Variants in CUL4B observed in about 807,000 individuals in gnomAD.
The protein encoded by CUL4B is cullin 4B, also known as cullin-4B.
In CUL4B, 1 loss-of-function variant was observed where a neutral mutation model predicts 69.2. That is an observed-to-expected ratio of 0.01 (90% confidence interval 0.01 to 0.07). The LOEUF is 0.07. CUL4B is among the 10% of genes least tolerant of loss of function. The pLI, the probability that CUL4B is intolerant of heterozygous loss-of-function variation, is 1.00. For synonymous variants in CUL4B, 237 were observed against 223.2 expected (o/e 1.06, Z -0.55); for missense variants, 328 against 638.8 (o/e 0.51, Z 5.24).
At chrX:120,537,112 C>T in intron 14 of CUL4B, 78 bp from the exon 15 acceptor site, 1 of 736,307 alleles carries the variant, frequency 1.4e-6, no homozygotes, top group South Asian at 2.1e-5. Flanking sequence ...TTAAGAAGTT[C>T]CCTGTTATGA....
chrX:120,569,361 C>CTT (rs1172319824), downstream of CUL4B, among the ~76,000 whole-genome samples: 8 of 96,188 alleles, frequency 8.3e-5, no homozygotes, highest in Non-Finnish European at 1.1e-4. Flanking sequence ...AGGGAAGTTT[C>CTT]TTTTTTTTTT....
chrX:120,560,744 GA>G lies in CUL4B; in HGVS notation c.-107del. On this transcript the variant is annotated 5_prime_UTR_variant, in exon 1 of 20. Transcript: ENST00000371322. ...AATGCTAGAGGGGGAAGGGAAGAAA[GA>G]AGAGAGGAGAAACACAGAGGACGAG... 1.1e-6 allele frequency: 1 copy of G among 922,083 alleles called. No homozygotes were observed. Among genetic ancestry groups the G allele is most frequent in the Non-Finnish European group, 1.4e-6 (1 of 728,140 alleles). 76.0% of individuals were successfully genotyped at this position (922,083 alleles called of 1,213,427 possible). A position where few individuals can be genotyped will look rare whatever the true frequency, so the allele number is the denominator to read the frequency against.
chrX:120,560,601 G>A lies in CUL4B; in HGVS notation c.38C>T (p.Ala13Val). ...TCTGACCTCCTGAGCAGCAGCAGCAGCTGAGGGACTGGGGGAAGAAAAACC... is the reference window on the plus strand; with the variant it reads ...TCTGACCTCCTGAGCAGCAGCAGCAACTGAGGGACTGGGGGAAGAAAAACC... ...PTGFSSPSPS[A>V]AAAAQEVRSA... The change falls in exon 1 of 20, where the codon GCT becomes GTT. Residue 13 changes from alanine to valine, a missense_variant. Physicochemically the swap from Ala to Val is moderately conservative, Grantham distance 64. This residue lies in a region of CUL4B where 102 missense variants were observed against 122.1 expected (regional missense o/e 0.84). Coordinates refer to ENST00000371322, the MANE Select transcript of CUL4B (RefSeq NM_001079872.2). 2 of 1,207,758 alleles carry A rather than the reference G, an allele frequency of 1.7e-6. No individual in the cohort carries two copies. Among genetic ancestry groups the A allele is most frequent in the Non-Finnish European group, 2.2e-6 (2 of 894,942 alleles).
downstream of CUL4B, among the ~76,000 whole-genome samples, chrX:120,567,882 A>C (rs1925603526): frequency 9.1e-6 from 1 of 110,255 alleles, no homozygotes; most frequent in East Asian, 2.8e-4. Context: ...GAAAAAAAAA[A>C]AAAACAGCTC....
chrX:120,535,181 T>C (rs908962907), intron 16 of CUL4B, among the ~76,000 whole-genome samples: 9 of 110,155 alleles, frequency 8.2e-5, no homozygotes, highest in African/African-American at 3.0e-4. Context: ...GGTGACAGAG[T>C]GGGACCCTAT....
chrX:120,561,731 T>C (rs1314587812), upstream of CUL4B, among the ~76,000 whole-genome samples: 2 of 108,396 alleles, frequency 1.8e-5, no homozygotes, highest in African/African-American at 6.8e-5. Flanking sequence ...GATGAAAGAA[T>C]AAGGAGTGGT....
chrX:120,534,692 T>C, intron 16 of CUL4B, 106 bp from the exon 17 acceptor site: 1 of 568,877 alleles, frequency 1.8e-6, no homozygotes, highest in Non-Finnish European at 3.0e-6. Context: ...TTTAGAAACA[T>C]GATTAGCATT....
chrX:120,543,200 TAAAAGA>T (rs890497942), intron 8 of CUL4B, among the ~76,000 whole-genome samples, 167 bp from the exon 9 acceptor site: 1 of 111,180 alleles, frequency 9.0e-6, no homozygotes, highest in African/African-American at 3.3e-5. Context: ...ACTTTATGCC[TAAAAGA>T]AAAAGACATA....
upstream of CUL4B, chrX:120,561,393 T>G (rs1405908807): frequency 3.6e-6 from 2 of 559,568 alleles, no homozygotes; most frequent in Non-Finnish European, 6.5e-6. Context: ...GGGCAGACAC[T>G]TTTCATAGCG....
At position 120,543,548 on chromosome X, in the gene CUL4B, T is replaced by A. The variant is rs902121612; in HGVS notation, c.1256+179A>T. On this transcript the variant is annotated intron_variant, in intron 8 of 19. Coordinates refer to ENST00000371322, the MANE Select transcript of CUL4B (RefSeq NM_001079872.2). Reference sequence around the variant, plus strand: ...CACACACACACCCCTAATAATCGAATCCTTGGATGAAAACTAATTAACTAG... The same window carrying A: ...CACACACACACCCCTAATAATCGAAACCTTGGATGAAAACTAATTAACTAG... Among the ~76,000 whole-genome samples, 154 of 109,209 alleles carry A rather than the reference T, an allele frequency of 1.4e-3. 1 individual carries two copies. The highest frequency in any genetic ancestry group is 4.9e-3 in the African/African-American group (147 of 30,045). The allele number at this position is 109,209 out of a possible 115,157, so 94.8% of individuals were successfully genotyped here.
At chrX:120,566,385 A>G (rs1460079844), upstream of CUL4B, among the ~76,000 whole-genome samples, 6 of 69,404 alleles carry the variant, frequency 8.6e-5, no homozygotes, top group South Asian at 7.1e-4. Context: ...ATATATATAT[A>G]TATATGTATA....
intron 2 of CUL4B, among the ~76,000 whole-genome samples, chrX:120,551,790 A>C (rs1202429339): frequency 8.9e-6 from 1 of 112,116 alleles, no homozygotes; most frequent in Non-Finnish European, 1.9e-5. Flanking sequence ...TTAGAACATA[A>C]GTAACTTAGG....
At chrX:120,542,277 T>C (rs952364943) in intron 9 of CUL4B, among the ~76,000 whole-genome samples, 50 of 111,674 alleles carry the variant, frequency 4.5e-4, no homozygotes, top group Non-Finnish European at 7.5e-5. Context: ...TAGCCTGTGA[T>C]ATATCAAAAG....
chrX:120,545,384 T>A (rs946343899), intron 5 of CUL4B, 60 bp downstream of exon 5: 101 of 777,175 alleles, frequency 1.3e-4, no homozygotes, highest in Non-Finnish European at 1.8e-4. Context: ...CTTTCATTAG[T>A]GTAATTAAGA....
chrX:120,567,589 T>C (rs1925594098), downstream of CUL4B, among the ~76,000 whole-genome samples: 1 of 109,085 alleles, frequency 9.2e-6, no homozygotes, highest in Non-Finnish European at 1.9e-5. Context: ...TAAGAAGCTC[T>C]TGGCCAGGTG....
intron 2 of CUL4B, among the ~76,000 whole-genome samples, chrX:120,572,929 A>G (rs192211056): frequency 9.0e-6 from 1 of 111,532 alleles, no homozygotes; most frequent in African/African-American, 3.3e-5. Flanking sequence ...GAAGTTCTAC[A>G]TACTATTTAC....
intron 4 of CUL4B, 125 bp from the exon 5 acceptor site, chrX:120,545,642 G>A (rs1271074999): frequency 2.0e-6 from 1 of 489,311 alleles, no homozygotes; most frequent in Non-Finnish European, 3.6e-6. Flanking sequence ...GATCAAACAT[G>A]CAGATAAACA....
Position 120,526,441 on chromosome X carries a change from C to G in CUL4B, c.*320G>C, listed in dbSNP as rs1922972010. ...ATAATTAATGGTGTGTAAGAACCCT[C>G]CCCCCTTTTTAATAGCCACAGGGAT... On this transcript the variant is annotated 3_prime_UTR_variant, in exon 20 of 20. Transcript: ENST00000371322. 4.9e-6 allele frequency: 1 copy of G among 205,482 alleles called. No homozygotes were observed. The highest frequency in any genetic ancestry group is 6.8e-5 in the South Asian group (1 of 14,631). The allele number at this position is 205,482 out of a possible 1,213,427, so 16.9% of individuals were successfully genotyped here.
chrX:120,560,792 T>C lies in CUL4B; in HGVS notation c.-154A>G. ...CGAGAAGGAAAGTGAAGGGGGGGGCTACACCGGGGGAATGGGAGGGTTTGG... is the reference window on the plus strand; with the variant it reads ...CGAGAAGGAAAGTGAAGGGGGGGGCCACACCGGGGGAATGGGAGGGTTTGG... On this transcript the variant is annotated 5_prime_UTR_variant, in exon 1 of 20. Transcript: ENST00000371322. The C allele has an allele frequency of 7.7e-6, 1 of 130,521 alleles. No individual in the cohort carries two copies. The highest frequency in any genetic ancestry group is 1.2e-5 in the Non-Finnish European group (1 of 85,494). 10.8% of individuals were successfully genotyped at this position (130,521 alleles called of 1,213,427 possible).
Sources: gnomAD v4.1 joint callset for allele counts (sites outside exome capture counted in the v4.1 genomes callset) on GRCh38, gnomAD v4.1.1 for gene constraint, gnomAD v4.1.1 regional missense constraint, MANE v1.5 for transcripts, NCBI Gene and HGNC (gene_info 2026-07-23, HGNC 2026-07-21) for gene names.